Variants in LAMA4 observed in about 807,000 individuals in gnomAD.
LAMA4 encodes laminin subunit alpha-4.
Under a neutral mutation model 207.1 loss-of-function variants are expected in LAMA4, and 127 were observed. The observed-to-expected ratio is 0.61, with a 90% CI of 0.53 to 0.71. The LOEUF (loss-of-function observed/expected upper bound fraction) is 0.71. LAMA4 is among the 30% of genes least tolerant of loss of function. The probability of loss-of-function intolerance (pLI) is 0.00; values close to 1 mark genes in which losing one functional copy is unlikely to be tolerated. For synonymous variants in LAMA4, 761 were observed against 816.0 expected (o/e 0.93, Z 1.15); for missense variants, 2,093 against 2,246.5 (o/e 0.93, Z 1.38).
At position 112,115,921 on chromosome 6, in the gene LAMA4, A is replaced by T. The variant is rs1777990421; in HGVS notation, c.5054T>A (p.Leu1685Gln). The change falls in exon 36 of 39, where the codon CTG becomes CAG. Residue 1685 changes from leucine to glutamine, a missense_variant. By Grantham distance (113) the Leu-to-Gln change is moderately radical. Transcript: ENST00000230538. ...CCCATTGACACTGTGGCCGTGGACC[A>T]GGGTTCCGGAACTGCTTCTGGGACG... ...EVRPRSSSGTLVHGHSVNGEY... is the reference protein window; with the variant it reads ...EVRPRSSSGTQVHGHSVNGEY... 1 of 1,613,356 alleles carries T rather than the reference A, an allele frequency of 6.2e-7. No individual in the cohort carries two copies. Among genetic ancestry groups the T allele is most frequent in the Non-Finnish European group, 8.5e-7 (1 of 1,179,490 alleles).
At chr6:112,114,319 A>G (rs1454729241) in intron 37 of LAMA4, 124 bp from the exon 38 acceptor site, 1 of 951,632 alleles carries the variant, frequency 1.1e-6, no homozygotes, top group Non-Finnish European at 1.6e-6. Context: ...ACTTTCTTCT[A>G]TATTATTAAA....
At chr6:112,184,798 C>A (rs547460484) in intron 9 of LAMA4, among the ~76,000 whole-genome samples, 1 of 152,058 alleles carries the variant, frequency 6.6e-6, no homozygotes, top group Non-Finnish European at 1.5e-5. Flanking sequence ...TGCCAAAGAG[C>A]GAAATTGCTT....
intron 12 of LAMA4, among the ~76,000 whole-genome samples, chr6:112,165,897 A>G (rs1169261253): frequency 1.3e-5 from 2 of 152,190 alleles, no homozygotes; most frequent in East Asian, 1.9e-4. Flanking sequence ...TTCTACCATC[A>G]CTTTTAGGTT....
chr6:112,165,614 G>A (rs1455220719), intron 12 of LAMA4, among the ~76,000 whole-genome samples: 2 of 152,158 alleles, frequency 1.3e-5, no homozygotes, highest in African/African-American at 4.8e-5. Context: ...TTGAACACAG[G>A]CTCTATATTT....
At chr6:112,141,633 G>A (rs376729317) in intron 20 of LAMA4, 130 bp from the exon 21 acceptor site, 6 of 745,688 alleles carry the variant, frequency 8.0e-6, no homozygotes, top group African/African-American at 5.2e-5. Flanking sequence ...ATTATTATCC[G>A]AAGCTCCTGT....
At position 112,216,448 on chromosome 6, in the gene LAMA4, G is replaced by A; in HGVS notation, c.217C>T (p.His73Tyr). ...GGCACACATTCTCCCGACAGGGTGT[G>A]AAAGAATCCAGCATTGCATTTCTGC... is the stretch of plus-strand genomic sequence containing the variant. ...AAEKCNAGFF[H>Y]TLSGECVPCD... is the part of the protein sequence containing the mutation. The change falls in exon 3 of 39, where the codon CAC (histidine) becomes TAC (tyrosine). Residue 73 changes from histidine (H) to tyrosine (Y), a missense_variant. This residue lies in a region of LAMA4 where 1,704 missense variants were observed against 1,788.4 expected (regional missense o/e 0.95). Coordinates refer to ENST00000230538, the MANE Select transcript of LAMA4 (RefSeq NM_001105206.3). 1 of 1,613,570 alleles carries A rather than the reference G, an allele frequency of 6.2e-7. No homozygotes were observed. The highest frequency in any genetic ancestry group is 8.5e-7 in the Non-Finnish European group (1 of 1,179,482).
chr6:112,138,522 A>G (rs1779488022), intron 24 of LAMA4, among the ~76,000 whole-genome samples: 1 of 152,168 alleles, frequency 6.6e-6, no homozygotes, highest in Admixed American at 6.5e-5. Context: ...TAGATAAAGT[A>G]CTATTAAAAA....
chr6:112,199,420 G>T, intron 5 of LAMA4, among the ~76,000 whole-genome samples: 1 of 152,050 alleles, frequency 6.6e-6, no homozygotes, highest in East Asian at 1.9e-4. Context: ...ACACTGAGGA[G>T]AAAAAACTCC....
At position 112,171,918 on chromosome 6, in the gene LAMA4, A is replaced by G. The variant is rs1398784445; in HGVS notation, c.1551+693T>C. ...GTGAATTTGCTCATAATTGGTTTCTATTTGTTCACAGTATTCTTTTCTCCC... is the reference window on the plus strand; with the variant it reads ...GTGAATTTGCTCATAATTGGTTTCTGTTTGTTCACAGTATTCTTTTCTCCC... On this transcript the variant is annotated intron_variant, in intron 12 of 38. Coordinates refer to ENST00000230538, the MANE Select transcript of LAMA4 (RefSeq NM_001105206.3). 1.3e-5 allele frequency: 2 copies of G among 152,388 alleles called. 1 individual carries two copies. Among genetic ancestry groups the G allele is most frequent in the South Asian group, 4.1e-4 (2 of 4,848 alleles). 9.4% of individuals were successfully genotyped at this position (152,388 alleles called of 1,614,324 possible). A position where few individuals can be genotyped will look rare whatever the true frequency, so the allele number is the denominator to read the frequency against.
At chr6:112,210,395 T>C (rs531121568) in intron 3 of LAMA4, among the ~76,000 whole-genome samples, 1 of 152,208 alleles carries the variant, frequency 6.6e-6, no homozygotes, top group Non-Finnish European at 1.5e-5. Flanking sequence ...ATTAGCATTC[T>C]GAACTTTTAG....
chr6:112,207,987 C>G lies in LAMA4; in HGVS notation c.298-842G>C, dbSNP rs1055963607. ...TTGCCATTAACTCGAACGGAGTAGG[C>G]ACTCAGTAACTGTCAAACTGATGGA... On this transcript the variant is annotated intron_variant, in intron 3 of 38. Coordinates refer to ENST00000230538, the MANE Select transcript of LAMA4 (RefSeq NM_001105206.3). Among the ~76,000 whole-genome samples the G allele has an allele frequency of 3.9e-5, 6 of 152,328 alleles. No homozygotes were observed. In the East Asian group the frequency reaches 1.2e-3, roughly 29 times the overall value.
intron 10 of LAMA4, among the ~76,000 whole-genome samples, chr6:112,176,960 T>A (rs1411267662): frequency 2.0e-5 from 3 of 152,238 alleles, no homozygotes; most frequent in African/African-American, 7.2e-5. Flanking sequence ...AAACATGGGT[T>A]ATAATAGCAA....
In LAMA4 at chr6:112,189,229, C is replaced by A. The variant is rs186546366; in HGVS notation, c.719-24G>T. ...CACTGTGGGAAACAAAAACAAGAGA[C>A]GAGAAATGCACTTCTTAATGCTTAA... On this transcript the variant is annotated intron_variant, in intron 6 of 38. Coordinates refer to ENST00000230538, the MANE Select transcript of LAMA4 (RefSeq NM_001105206.3). 5,654 of 1,534,960 alleles carry A rather than the reference C, an allele frequency of 3.7e-3. 17 individuals carry two copies. Among genetic ancestry groups the A allele is most frequent in the Non-Finnish European group, 4.4e-3 (4,920 of 1,108,110 alleles).
Position 112,201,672 on chromosome 6 carries a change from A to G in LAMA4, c.439T>C (p.Tyr147His), listed in dbSNP as rs1293122847. ...CACCGAACAGCTCCATTTTTCCTAT[A>G]GCAGGATTCTGCAAAACTAAAATTG... Reference protein sequence around the residue: ...PHLANFAESCYRKNGAVRCIC... With the variant: ...PHLANFAESCHRKNGAVRCIC... Residue 147 changes from tyrosine (Y) to histidine (H), a missense_variant, in exon 5 of 39, where the codon TAT (tyrosine) becomes CAT (histidine). By Grantham distance (83) the Tyr-to-His change is moderately conservative (BLOSUM62 2). This residue lies in a region of LAMA4 where 1,704 missense variants were observed against 1,788.4 expected (regional missense o/e 0.95). Transcript: ENST00000230538. 1.2e-6 allele frequency: 2 copies of G among 1,613,920 alleles called. No individual in the cohort carries two copies. Among genetic ancestry groups the G allele is most frequent in the Non-Finnish European group, 1.7e-6 (2 of 1,179,826 alleles).
chr6:112,200,204 G>A (rs1554351778), intron 5 of LAMA4: 1 of 524,432 alleles, frequency 1.9e-6, no homozygotes, highest in Non-Finnish European at 3.9e-6. Context: ...GCCCAGAGCA[G>A]TTTAGAAAAA....
chr6:112,225,565 A>T (rs1554362146), intron 2 of LAMA4, among the ~76,000 whole-genome samples: 3 of 152,156 alleles, frequency 2.0e-5, no homozygotes, highest in Admixed American at 6.5e-5. Context: ...TGAGGTTTAA[A>T]TGCAGATATA....
intron 3 of LAMA4, chr6:112,214,139 C>T: frequency 1.7e-6 from 1 of 571,726 alleles, no homozygotes; most frequent in Non-Finnish European, 3.2e-6. Flanking sequence ...ACAGACTTAA[C>T]ATATTTGCAA....
In LAMA4 at chr6:112,178,213, T is replaced by C. The variant is rs1010710993; in HGVS notation, c.1097A>G (p.Lys366Arg). The change falls in exon 10 of 39, where the codon AAA becomes AGA. Residue 366 changes from lysine to arginine, a missense_variant. By Grantham distance (26) the Lys-to-Arg change is conservative. This residue lies in a region of LAMA4 where 1,704 missense variants were observed against 1,788.4 expected (regional missense o/e 0.95). Transcript: ENST00000230538. ...GCTTTCCTTCTGAACAAGTTGTCCT[T>C]TTCTGGAGGCTTGATTTTCCTACAA... ...LVEKENQASR[K>R]GQLVQKESMD... is the part of the protein sequence containing the mutation. The C allele has an allele frequency of 1.9e-6, 3 of 1,613,578 alleles. No individual in the cohort carries two copies. Among genetic ancestry groups the C allele is most frequent in the Non-Finnish European group, 1.7e-6 (2 of 1,179,598 alleles).
At chr6:112,210,796 C>T (rs764252331) in intron 3 of LAMA4, among the ~76,000 whole-genome samples, 2 of 151,966 alleles carry the variant, frequency 1.3e-5, no homozygotes, top group Non-Finnish European at 2.9e-5. Flanking sequence ...TCTATTAAGC[C>T]AGATATTAAA....
Sources: allele counts gnomAD v4.1 joint callset (sites outside exome capture counted in the v4.1 genomes callset), GRCh38; gene constraint gnomAD v4.1.1; regional missense constraint gnomAD v4.1.1; transcripts MANE v1.5; gene names NCBI Gene and HGNC (gene_info 2026-07-23, HGNC 2026-07-21).